RIT2: variants seen among roughly 807,000 people sequenced by gnomAD.
RIT2 encodes GTP-binding protein Rit2.
A neutral mutation model predicts 23.7 loss-of-function variants in RIT2; 24 were observed. The ratio of observed to expected loss-of-function variants is 1.01; its 90% confidence interval spans 0.73 to 1.43. The LOEUF (loss-of-function observed/expected upper bound fraction) is 1.43. Among genes scored for constraint, RIT2 ranks in the 40% most tolerant of loss-of-function variants. The pLI is 0.00. For missense variants in RIT2, 236 were observed against 266.9 expected, an observed-to-expected ratio of 0.88 and a Z score of 0.81; for synonymous variants, 107 against 91.1, an observed-to-expected ratio of 1.17 and a Z score of -0.99.
At chr18:43,011,747 T>C (rs76550275) in intron 2 of RIT2, among the ~76,000 whole-genome samples, 4,910 of 151,888 alleles carry the variant, frequency 0.032, 277 homozygotes, top group African/African-American at 0.11. Context: ...AGTTTCAGTT[T>C]GATGTGTTCC....
chr18:42,963,287 A>G (rs1163793455), intron 3 of RIT2, among the ~76,000 whole-genome samples: 1 of 152,232 alleles, frequency 6.6e-6, no homozygotes, highest in Admixed American at 6.5e-5. Context: ...AATTGATTGA[A>G]AATAGTTACT....
chr18:43,059,548 T>C (rs1193624625), intron 1 of RIT2, among the ~76,000 whole-genome samples: 1 of 152,152 alleles, frequency 6.6e-6, no homozygotes, highest in African/African-American at 2.4e-5. Flanking sequence ...AGTTCACTTA[T>C]CTCTCCATCT....
At chr18:42,874,010 A>C (rs1490424036) in intron 4 of RIT2, among the ~76,000 whole-genome samples, 3 of 152,102 alleles carry the variant, frequency 2.0e-5, no homozygotes, top group Non-Finnish European at 2.9e-5. Context: ...ATAGAATGGG[A>C]AATGAAGGCT....
chr18:42,933,323 C>G (rs748514242), intron 3 of RIT2, among the ~76,000 whole-genome samples: 5 of 152,004 alleles, frequency 3.3e-5, no homozygotes, highest in African/African-American at 1.2e-4. Context: ...AAAGGACATG[C>G]CTGTACAATG....
chr18:42,980,630 C>A (rs749775116), intron 2 of RIT2, among the ~76,000 whole-genome samples: 1 of 152,140 alleles, frequency 6.6e-6, no homozygotes, highest in Non-Finnish European at 1.5e-5. Flanking sequence ...CAGTGACTAA[C>A]ATGCTTGTCA....
intron 4 of RIT2, among the ~76,000 whole-genome samples, chr18:42,871,723 A>C: frequency 1.3e-5 from 2 of 152,192 alleles, no homozygotes; most frequent in East Asian, 3.8e-4. Flanking sequence ...AGAAGGGTAG[A>C]AGCTGCCTTG....
intron 4 of RIT2, among the ~76,000 whole-genome samples, chr18:42,756,852 A>G (rs1000952720): frequency 1.3e-5 from 2 of 151,034 alleles, no homozygotes; most frequent in Non-Finnish European, 2.9e-5. Flanking sequence ...AAATTTTATT[A>G]TTTAATCTAT....
At chr18:43,021,860 A>G (rs1243224512) in intron 2 of RIT2, among the ~76,000 whole-genome samples, 1 of 152,112 alleles carries the variant, frequency 6.6e-6, no homozygotes, top group Admixed American at 6.6e-5. Flanking sequence ...ATGCAAGAAC[A>G]GATTAATACA....
At chr18:42,928,108 A>G (rs1909228802) in intron 3 of RIT2, among the ~76,000 whole-genome samples, 1 of 151,964 alleles carries the variant, frequency 6.6e-6, no homozygotes, top group African/African-American at 2.4e-5. Flanking sequence ...CCTTTTGGCC[A>G]TCTCTTTAAT....
intron 3 of RIT2, among the ~76,000 whole-genome samples, chr18:42,943,866 T>C (rs555103481): frequency 6.6e-6 from 1 of 152,270 alleles, no homozygotes; most frequent in South Asian, 2.1e-4. Context: ...ACACCTCACA[T>C]TGAATCTATT....
chr18:43,053,815 A>C (rs1912439218), intron 1 of RIT2, among the ~76,000 whole-genome samples: 1 of 152,150 alleles, frequency 6.6e-6, no homozygotes, highest in African/African-American at 2.4e-5. Flanking sequence ...TTTCATATGC[A>C]AAGTAGTTCC....
At chr18:43,059,472 T>C (rs574487239) in intron 1 of RIT2, among the ~76,000 whole-genome samples, 22 of 152,226 alleles carry the variant, frequency 1.4e-4, no homozygotes, top group African/African-American at 4.8e-4. Context: ...ATAGACAAGA[T>C]ATACATGAGA....
intron 4 of RIT2, among the ~76,000 whole-genome samples, chr18:42,864,495 T>G (rs78820786): frequency 0.1 from 15,934 of 152,170 alleles, 957 homozygotes; most frequent in Middle Eastern, 0.25. Context: ...TCATGGGAAA[T>G]AGCCAGACAT....
chr18:43,059,761 G>A (rs772645787), intron 1 of RIT2, among the ~76,000 whole-genome samples: 3 of 147,976 alleles, frequency 2.0e-5, no homozygotes, highest in Non-Finnish European at 4.5e-5. Context: ...TTGTGGGGAT[G>A]AGAATCATTC....
chr18:43,054,116 T>A (rs1912446055), intron 1 of RIT2, among the ~76,000 whole-genome samples: 1 of 152,060 alleles, frequency 6.6e-6, no homozygotes, highest in Non-Finnish European at 1.5e-5. Context: ...TTAGCTTTGC[T>A]TTGTCCCCAT....
intron 4 of RIT2, among the ~76,000 whole-genome samples, chr18:42,816,716 T>G (rs1906008303): frequency 6.6e-6 from 1 of 152,150 alleles, no homozygotes; most frequent in African/African-American, 2.4e-5. Flanking sequence ...TGATACTACA[T>G]CTGATAATTA....
chr18:42,764,745 G>A lies in RIT2; in HGVS notation c.427-21025C>T, dbSNP rs116930389. ...AATGGATTGGATTCACAAAGTCACA[G>A]CATCACATCACTAATGTTATCCTCT... is the stretch of plus-strand genomic sequence containing the variant. On this transcript the variant is annotated intron_variant, in intron 4 of 4. Transcript: ENST00000326695. Among the ~76,000 whole-genome samples the A allele has an allele frequency of 2.0e-3, 298 of 152,318 alleles. 1 individual carries two copies. Among genetic ancestry groups the A allele is most frequent in the Middle Eastern group, 3.4e-3 (1 of 294 alleles).
intron 4 of RIT2, among the ~76,000 whole-genome samples, chr18:42,804,533 C>A (rs558128850): frequency 2.5e-5 from 3 of 121,454 alleles, no homozygotes; most frequent in African/African-American, 3.3e-5. Context: ...CCAGCCTGGG[C>A]GACAAGAGTG....
chr18:42,965,204 A>T (rs1598732322), intron 3 of RIT2, among the ~76,000 whole-genome samples: 1 of 152,212 alleles, frequency 6.6e-6, no homozygotes, highest in East Asian at 1.9e-4. Context: ...AGTTTTGAGG[A>T]TGATAGAATG....
Sources: allele counts gnomAD v4.1 joint callset (sites outside exome capture counted in the v4.1 genomes callset), GRCh38; gene constraint gnomAD v4.1.1; transcripts MANE v1.5; gene names NCBI Gene and HGNC (gene_info 2026-07-23, HGNC 2026-07-21).